The following CSTPP1 variants were observed in gnomAD, a reference collection of about 807,000 sequenced individuals.
CSTPP1 encodes the protein UPF0705 protein C11orf49.
chr11:46,993,611 G>C, the CSTPP1 span, among the ~76,000 whole-genome samples: 1 of 151,838 alleles, frequency 6.6e-6, no homozygotes, highest in Non-Finnish European at 1.5e-5. Context: ...ATTTCTGAGG[G>C]CTCTGTTCTG....
the CSTPP1 span, among the ~76,000 whole-genome samples, chr11:46,958,189 G>A: frequency 1.3e-5 from 2 of 151,994 alleles, no homozygotes; most frequent in Non-Finnish European, 2.9e-5. Context: ...TTGTAGAGAT[G>A]GGATCTTGCT....
the CSTPP1 span, among the ~76,000 whole-genome samples, chr11:47,037,206 T>TATATCAATAGGA: frequency 0.48 from 60,013 of 124,310 alleles, 22,179 homozygotes; most frequent in African/African-American, 0.69. Flanking sequence ...TAGTAAAGGA[T>TATATCAATAGGA]TATAACCTAT....
chr11:46,965,007 G>A, the CSTPP1 span, among the ~76,000 whole-genome samples: 1 of 152,110 alleles, frequency 6.6e-6, no homozygotes, highest in African/African-American at 2.4e-5. Flanking sequence ...GGTTGGACAG[G>A]TAATCATGAC....
the CSTPP1 span, among the ~76,000 whole-genome samples, chr11:47,163,640 A>G: frequency 6.6e-6 from 1 of 152,152 alleles, no homozygotes; most frequent in South Asian, 2.1e-4. Context: ...GTATGTATAT[A>G]TATGTAATTT....
chr11:47,110,616 G>T, the CSTPP1 span, among the ~76,000 whole-genome samples: 1 of 152,148 alleles, frequency 6.6e-6, no homozygotes, highest in African/African-American at 2.4e-5. Flanking sequence ...ATGCCACAAA[G>T]TATGCCCACT....
the CSTPP1 span, among the ~76,000 whole-genome samples, chr11:47,127,380 T>C: frequency 1.3e-5 from 2 of 152,226 alleles, no homozygotes; most frequent in African/African-American, 2.4e-5. Flanking sequence ...CAATAGAGGA[T>C]TGGCAGTGCA....
At chr11:47,007,103 A>G in the CSTPP1 span, among the ~76,000 whole-genome samples, 1 of 139,432 alleles carries the variant, frequency 7.2e-6, no homozygotes, top group Non-Finnish European at 1.5e-5. Context: ...TTTGCCTCCC[A>G]GGTTCAACCC....
the CSTPP1 span, among the ~76,000 whole-genome samples, chr11:47,101,991 T>C: frequency 6.6e-6 from 1 of 152,198 alleles, no homozygotes; most frequent in Non-Finnish European, 1.5e-5. Context: ...AGGGGAATAG[T>C]GACACCAATC....
the CSTPP1 span, among the ~76,000 whole-genome samples, chr11:47,129,415 C>T: frequency 6.6e-6 from 1 of 152,152 alleles, no homozygotes; most frequent in East Asian, 1.9e-4. Flanking sequence ...AGTAGCTAGC[C>T]CCGTTGCTAC....
chr11:47,134,950 A>G, the CSTPP1 span, among the ~76,000 whole-genome samples: 4 of 152,014 alleles, frequency 2.6e-5, no homozygotes, highest in African/African-American at 7.3e-5. Context: ...CTCTACAAAA[A>G]TTTTTTAAAT....
At chr11:47,080,977 C>T in the CSTPP1 span, among the ~76,000 whole-genome samples, 17 of 149,960 alleles carry the variant, frequency 1.1e-4, no homozygotes, top group Admixed American at 1.1e-3. Context: ...CCACTGCACT[C>T]CAGCCTGGGC....
chr11:47,054,167 C>T, the CSTPP1 span, among the ~76,000 whole-genome samples: 24 of 151,320 alleles, frequency 1.6e-4, no homozygotes, highest in Non-Finnish European at 2.8e-4. Flanking sequence ...AAAAATTAGC[C>T]GGGTGTGGTG....
the CSTPP1 span, among the ~76,000 whole-genome samples, chr11:47,121,388 T>C: frequency 6.6e-6 from 1 of 152,174 alleles, no homozygotes. Flanking sequence ...CTTGGAGACT[T>C]ATTGACATTT....
the CSTPP1 span, among the ~76,000 whole-genome samples, chr11:47,058,393 C>T: frequency 5.5e-4 from 83 of 151,706 alleles, no homozygotes; most frequent in Non-Finnish European, 9.9e-4. Flanking sequence ...CAGCCCATAA[C>T]CAGGAGAAAA....
the CSTPP1 span, among the ~76,000 whole-genome samples, chr11:46,995,602 C>A: frequency 0.055 from 8,338 of 152,198 alleles, 319 homozygotes; most frequent in Middle Eastern, 0.11. Flanking sequence ...AGAGTTTCTT[C>A]ATGCTGAGTT....
the CSTPP1 span, chr11:47,161,761 C>T: frequency 6.9e-7 from 1 of 1,440,918 alleles, no homozygotes; most frequent in Non-Finnish European, 9.1e-7. Flanking sequence ...AGGTGAATAA[C>T]AGCCCCAAGA....
At chr11:47,069,359 C>T in the CSTPP1 span, among the ~76,000 whole-genome samples, 1 of 152,148 alleles carries the variant, frequency 6.6e-6, no homozygotes, top group Non-Finnish European at 1.5e-5. Flanking sequence ...CATTTTGTGT[C>T]ATTTAGTCTC....
the CSTPP1 span, among the ~76,000 whole-genome samples, chr11:47,119,220 G>A: frequency 1.9e-4 from 29 of 152,364 alleles, no homozygotes; most frequent in African/African-American, 6.5e-4. Context: ...AGACTGCTGC[G>A]CTAGCAGTGA....
At chr11:47,077,065 G>A in the CSTPP1 span, among the ~76,000 whole-genome samples, 123 of 151,128 alleles carry the variant, frequency 8.1e-4, no homozygotes, top group Middle Eastern at 6.9e-3. Flanking sequence ...ATGCCATCAG[G>A]CTTCTCAACA....
Sources: allele counts gnomAD v4.1 joint callset (sites outside exome capture counted in the v4.1 genomes callset), GRCh38; gene constraint gnomAD v4.1.1; transcripts MANE v1.5; gene names NCBI Gene and HGNC (gene_info 2026-07-23, HGNC 2026-07-21).